Variants in RPAP3 observed in about 807,000 individuals in gnomAD.
The protein encoded by RPAP3 is RNA polymerase II-associated protein 3.
Under a neutral mutation model 88.8 loss-of-function variants are expected in RPAP3, and 58 were observed. The ratio of observed to expected loss-of-function variants is 0.65; its 90% CI spans 0.53 to 0.81. The LOEUF is 0.81. Ranked by LOEUF, RPAP3 falls within the 40% of genes least tolerant of loss-of-function variation. The pLI is 0.00. For synonymous variants in RPAP3, 255 were observed against 259.9 expected, an observed-to-expected ratio of 0.98 and a Z score of 0.18; for missense variants, 751 against 764.3, an observed-to-expected ratio of 0.98 and a Z score of 0.20.
At chr12:47,674,804 C>T (rs1349301052) in intron 12 of RPAP3, among the ~76,000 whole-genome samples, 1 of 152,154 alleles carries the variant, frequency 6.6e-6, no homozygotes, top group African/African-American at 2.4e-5. Context: ...GAGAATGGAA[C>T]CACATTGGAA....
intron 3 of RPAP3, chr12:47,699,396 C>T (rs775882049): frequency 3.9e-5 from 6 of 152,190 alleles, no homozygotes; most frequent in African/African-American, 1.2e-4. Flanking sequence ...AGACAGGCTA[C>T]GTGAACTTGA....
chr12:47,698,147 G>T (rs1350435210), intron 3 of RPAP3, among the ~76,000 whole-genome samples: 1 of 151,752 alleles, frequency 6.6e-6, no homozygotes, highest in Non-Finnish European at 1.5e-5. Context: ...ATTTTAAAAC[G>T]AACAAAAAAA....
intron 12 of RPAP3, among the ~76,000 whole-genome samples, chr12:47,675,638 G>A (rs1257803334): frequency 6.6e-6 from 1 of 152,112 alleles, no homozygotes; most frequent in African/African-American, 2.4e-5. Flanking sequence ...AAGATCAAAA[G>A]AGACAAAGAA....
rs1938967082 is a variant in RPAP3 at position 47,670,206 on chromosome 12, C to T, written c.1427G>A (p.Ser476Asn). 1 of 1,613,964 alleles carries T rather than the reference C, an allele frequency of 6.2e-7. No individual in the cohort carries two copies. Among genetic ancestry groups the T allele is most frequent in the Non-Finnish European group, 8.5e-7 (1 of 1,179,912 alleles). The stretch of plus-strand genomic sequence containing the variant: ...GTCATCTTGGCTTGAATTCTTCTTA[C>T]TTGTGGTGCCTGTGGCTGCTATTAC... The part of the protein sequence containing the change: ...ANVIAATGTT[S>N]KKNSSQDDLF... Residue 476 changes from serine (S) to asparagine (N), a missense_variant, in exon 13 of 17, where the codon AGT (serine) becomes AAT (asparagine). Physicochemically the swap from Ser to Asn is conservative, Grantham distance 46 (BLOSUM62 1). Coordinates refer to ENST00000005386, the MANE Select transcript of RPAP3 (RefSeq NM_024604.3).
At chr12:47,703,580 T>C (rs1478045623) in intron 1 of RPAP3, among the ~76,000 whole-genome samples, 2 of 152,024 alleles carry the variant, frequency 1.3e-5, no homozygotes, top group South Asian at 4.2e-4. Flanking sequence ...AAAATAGGCA[T>C]GGATCAGATA....
At chr12:47,705,684 C>G (rs1279066469) in intron 1 of RPAP3, among the ~76,000 whole-genome samples, 6 of 151,330 alleles carry the variant, frequency 4.0e-5, no homozygotes, top group African/African-American at 1.4e-4. Context: ...TCTGCCTTCC[C>G]GAGCACTGCA....
At chr12:47,685,529 T>C (rs1565718856) in intron 9 of RPAP3, among the ~76,000 whole-genome samples, 2 of 152,198 alleles carry the variant, frequency 1.3e-5, no homozygotes, top group Admixed American at 6.5e-5. Flanking sequence ...GGTTTATAGA[T>C]ACTCTTGTGA....
chr12:47,685,030 T>C (rs774297238), intron 9 of RPAP3, among the ~76,000 whole-genome samples: 4 of 152,244 alleles, frequency 2.6e-5, no homozygotes, highest in Non-Finnish European at 4.4e-5. Context: ...AAAATTTAGC[T>C]ATCTTTCAAA....
At position 47,689,240 on chromosome 12, in the gene RPAP3, A is replaced by G. The variant is rs758359426; in HGVS notation, c.668-45T>C. 129 of 755,924 alleles carry G rather than the reference A, an allele frequency of 1.7e-4. 2 individuals are homozygous for G. In the South Asian group the frequency reaches 1.8e-3, roughly 10 times the overall value. 46.8% of individuals were successfully genotyped at this position (755,924 alleles called of 1,614,324 possible). ...AAAAAAATTTTTAAAGATAGGTAAT[A>G]TTTTAAAACATGTACAAAACAATCT... On this transcript the variant is annotated intron_variant, in intron 6 of 16. Transcript: ENST00000005386.
chr12:47,696,251 C>G (rs748174934), intron 5 of RPAP3, 25 bp downstream of exon 5: 4 of 1,489,582 alleles, frequency 2.7e-6, no homozygotes, highest in Non-Finnish European at 2.7e-6. Flanking sequence ...CATTCACATT[C>G]ACACACGTCA....
chr12:47,667,061 T>G lies in RPAP3; in HGVS notation c.1831A>C (p.Ile611Leu). The change falls in exon 16 of 17, where the codon ATC becomes CTC. Residue 611 changes from isoleucine to leucine, a missense_variant. Coordinates refer to ENST00000005386, the MANE Select transcript of RPAP3 (RefSeq NM_024604.3). ...GAAAGTCTTTGTAAGATTTCAAAGA[T>G]GAGTAATGGCTTTTCTTTCCTGAAA... ...FYIEKEKPLL[I>L]FEILQRLSEL... The G allele has an allele frequency of 1.3e-6, 2 of 1,496,970 alleles. No individual in the cohort carries two copies. The highest frequency in any genetic ancestry group is 1.8e-6 in the Non-Finnish European group (2 of 1,121,072). 92.7% of individuals were successfully genotyped at this position (1,496,970 alleles called of 1,614,324 possible).
chr12:47,663,411 CTATA>C lies in RPAP3; in HGVS notation c.*90_*93del. The C allele has an allele frequency of 2.7e-6, 2 of 737,350 alleles. No individual in the cohort carries two copies. Among genetic ancestry groups the C allele is most frequent in the South Asian group, 1.6e-5 (1 of 60,674 alleles). The allele number at this position is 737,350 out of a possible 1,614,324, so 45.7% of individuals were successfully genotyped here. A position where few individuals can be genotyped will look rare whatever the true frequency, so the allele number is the denominator to read the frequency against. On this transcript the variant is annotated 3_prime_UTR_variant, in exon 17 of 17. Coordinates refer to ENST00000005386, the MANE Select transcript of RPAP3 (RefSeq NM_024604.3). ...TATGTTCAAAGATAGTCCTTTCCTG[CTATA>C]TAATTTCATTTTCTTAAAAAGCAAA...
intron 8 of RPAP3, among the ~76,000 whole-genome samples, chr12:47,687,356 A>C (rs1939346174): frequency 6.6e-6 from 1 of 152,188 alleles, no homozygotes; most frequent in African/African-American, 2.4e-5. Context: ...AATATAAGAT[A>C]AATTCAGCTG....
chr12:47,691,193 A>G (rs1939420824), intron 5 of RPAP3, among the ~76,000 whole-genome samples: 1 of 152,200 alleles, frequency 6.6e-6, no homozygotes, highest in Non-Finnish European at 1.5e-5. Flanking sequence ...TTTATCAACT[A>G]AGTTTATATA....
chr12:47,667,203 C>T (rs926165310), intron 15 of RPAP3, 123 bp from the exon 16 acceptor site: 4 of 385,564 alleles, frequency 1.0e-5, no homozygotes, highest in Non-Finnish European at 1.8e-5. Flanking sequence ...CCCTGGATAC[C>T]TGTATTTTAA....
rs1265719706 is a variant in RPAP3 at position 47,663,323 on chromosome 12, C to CA, written c.*181dup. 1 of 448,320 alleles carries CA rather than the reference C, an allele frequency of 2.2e-6. No individual in the cohort carries two copies. Among genetic ancestry groups the CA allele is most frequent in the African/African-American group, 2.0e-5 (1 of 48,808 alleles). The allele number at this position is 448,320 out of a possible 1,614,324, so 27.8% of individuals were successfully genotyped here. A position where few individuals can be genotyped will look rare whatever the true frequency, so the allele number is the denominator to read the frequency against. On this transcript the variant is annotated 3_prime_UTR_variant, in exon 17 of 17. Coordinates refer to ENST00000005386, the MANE Select transcript of RPAP3 (RefSeq NM_024604.3). ...GTTTATATTTTTATTTTCAGAAAAA[C>CA]AGAGTTCACTTGAATACAATTCTCA...
chr12:47,673,762 T>C (rs1038908868), intron 12 of RPAP3, among the ~76,000 whole-genome samples: 1 of 152,076 alleles, frequency 6.6e-6, no homozygotes, highest in South Asian at 2.1e-4. Context: ...GACTCGGTGA[T>C]TTCATGGGTG....
chr12:47,688,046 G>A, intron 7 of RPAP3, 45 bp from the exon 8 acceptor site: 5 of 1,553,514 alleles, frequency 3.2e-6, no homozygotes, highest in Non-Finnish European at 4.4e-6. Context: ...AGTAATGCAA[G>A]ATGCATATAT....
intron 10 of RPAP3, 130 bp from the exon 11 acceptor site, chr12:47,679,904 G>A: frequency 1.6e-6 from 1 of 622,964 alleles, no homozygotes. Context: ...AGATTACTAG[G>A]AAACAGGTGA....
Sources: gnomAD v4.1 joint callset for allele counts (sites outside exome capture counted in the v4.1 genomes callset) on GRCh38, gnomAD v4.1.1 for gene constraint, MANE v1.5 for transcripts, NCBI Gene and HGNC (gene_info 2026-07-23, HGNC 2026-07-21) for gene names.